The following C12orf54 variants were observed in gnomAD, a reference collection of about 807,000 sequenced individuals.
The protein encoded by C12orf54 is uncharacterized protein C12orf54.
In C12orf54, 24 loss-of-function variants were observed where a neutral mutation model predicts 26.4. The observed-to-expected ratio is 0.91, with a 90% CI of 0.66 to 1.28. The LOEUF (loss-of-function observed/expected upper bound fraction) is 1.28. Among genes scored for constraint, C12orf54 ranks in the 50% most tolerant of loss-of-function variants. The pLI is 0.00. For synonymous variants in C12orf54, 54 were observed against 47.0 expected, an observed-to-expected ratio of 1.15 and a Z score of -0.61; for missense variants, 154 against 150.9, an observed-to-expected ratio of 1.02 and a Z score of -0.11.
chr12:48,421,651 T>A, the C12orf54 span, among the ~76,000 whole-genome samples: 80 of 147,328 alleles, frequency 5.4e-4, 1 homozygote, highest in South Asian at 0.017. Context: ...TGCCTCAGAC[T>A]CCCAAGTAGC....
chr12:48,467,756 G>A, the C12orf54 span, among the ~76,000 whole-genome samples: 11 of 152,110 alleles, frequency 7.2e-5, no homozygotes, highest in East Asian at 3.9e-4. Flanking sequence ...GGGTGTATAC[G>A]CATGCCCAAA....
At chr12:48,455,370 C>T in the C12orf54 span, among the ~76,000 whole-genome samples, 1 of 152,118 alleles carries the variant, frequency 6.6e-6, no homozygotes, top group African/African-American at 2.4e-5. Flanking sequence ...AGGTTGATTC[C>T]ATGTCTTTGC....
upstream of C12orf54, among the ~76,000 whole-genome samples, chr12:48,478,177 G>A (rs1453826082): frequency 1.3e-5 from 2 of 152,130 alleles, no homozygotes; most frequent in African/African-American, 2.4e-5. Context: ...TGCAGAAAAG[G>A]CCTTTGACAA....
intron 6 of C12orf54, among the ~76,000 whole-genome samples, chr12:48,492,193 G>T (rs1399359988): frequency 6.6e-6 from 1 of 152,148 alleles, no homozygotes; most frequent in Non-Finnish European, 1.5e-5. Context: ...GCAAAACGGA[G>T]TTCGTTAAGG....
At chr12:48,473,285 G>C in the C12orf54 span, 1 of 1,090,956 alleles carries the variant, frequency 9.2e-7, no homozygotes. Flanking sequence ...GTGGAGACGA[G>C]GAGGAGAAGG....
the C12orf54 span, among the ~76,000 whole-genome samples, chr12:48,466,674 T>G: frequency 1.3e-5 from 2 of 152,144 alleles, no homozygotes; most frequent in African/African-American, 4.8e-5. Flanking sequence ...AGAAATAATG[T>G]CCATACCAAA....
the C12orf54 span, among the ~76,000 whole-genome samples, chr12:48,460,475 T>C: frequency 1.5e-5 from 2 of 132,150 alleles, no homozygotes; most frequent in African/African-American, 5.7e-5. Flanking sequence ...TGACACCAGA[T>C]GGAAATCTGG....
At chr12:48,415,846 G>A in the C12orf54 span, among the ~76,000 whole-genome samples, 1 of 151,688 alleles carries the variant, frequency 6.6e-6, no homozygotes, top group Admixed American at 6.6e-5. Context: ...ATACAGATTT[G>A]GGCATTTTAG....
At chr12:48,420,873 T>TATGC in the C12orf54 span, among the ~76,000 whole-genome samples, 1 of 152,174 alleles carries the variant, frequency 6.6e-6, no homozygotes, top group Non-Finnish European at 1.5e-5. Flanking sequence ...TGGTGCCACA[T>TATGC]TTGCTTGTAT....
the C12orf54 span, among the ~76,000 whole-genome samples, chr12:48,437,698 A>C: frequency 2.0e-5 from 3 of 152,378 alleles, no homozygotes; most frequent in Admixed American, 2.0e-4. Flanking sequence ...GACAAAATTC[A>C]ACAATGCTTC....
chr12:48,466,334 T>G, the C12orf54 span, among the ~76,000 whole-genome samples: 82,586 of 151,942 alleles, frequency 0.54, 24,306 homozygotes, highest in East Asian at 0.81. Context: ...ACCTGAGGTC[T>G]GGAGTTCGGG....
the C12orf54 span, among the ~76,000 whole-genome samples, chr12:48,430,352 G>C: frequency 6.6e-6 from 1 of 152,090 alleles, no homozygotes; most frequent in South Asian, 2.1e-4. Context: ...GGAACAGTGA[G>C]CAGAGTAAAC....
At chr12:48,423,252 T>C in the C12orf54 span, among the ~76,000 whole-genome samples, 2 of 152,066 alleles carry the variant, frequency 1.3e-5, no homozygotes, top group Admixed American at 6.5e-5. Flanking sequence ...AATGCTATAA[T>C]AAAAAGTGTA....
chr12:48,485,658 T>C (rs1448015619), intron 2 of C12orf54, among the ~76,000 whole-genome samples: 1 of 152,192 alleles, frequency 6.6e-6, no homozygotes, highest in Non-Finnish European at 1.5e-5. Context: ...AGATGGTATT[T>C]AGGAATAAGA....
chr12:48,434,329 T>A, the C12orf54 span, among the ~76,000 whole-genome samples: 1 of 152,190 alleles, frequency 6.6e-6, no homozygotes. Context: ...AGGCTCCACC[T>A]CTGGGGGCAG....
At position 48,488,909 on chromosome 12, in the gene C12orf54, T is replaced by C; in HGVS notation, c.136-15T>C. ...TCTACAATATTATTTTTTCTATATTTTTGTCTTCTGTCAGGTGCTGACAGT... is the reference window on the plus strand; with the variant it reads ...TCTACAATATTATTTTTTCTATATTCTTGTCTTCTGTCAGGTGCTGACAGT... On this transcript the variant is annotated splice_polypyrimidine_tract_variant and intron_variant, in intron 4 of 8. Transcript: ENST00000548364. 3.2e-6 allele frequency: 5 copies of C among 1,585,244 alleles called. No individual in the cohort carries two copies. The South Asian group carries it at 3.3e-5, about 11-fold the overall frequency.
the C12orf54 span, among the ~76,000 whole-genome samples, chr12:48,460,610 A>G: frequency 2.0e-5 from 3 of 152,152 alleles, no homozygotes; most frequent in South Asian, 6.2e-4. Flanking sequence ...GAAAATAGTA[A>G]TATATTTTGG....
At chr12:48,439,856 C>T in the C12orf54 span, among the ~76,000 whole-genome samples, 1 of 151,738 alleles carries the variant, frequency 6.6e-6, no homozygotes, top group Admixed American at 6.6e-5. Flanking sequence ...ACGTAATGAA[C>T]CTGCACGATG....
the C12orf54 span, among the ~76,000 whole-genome samples, chr12:48,462,582 C>T: frequency 1.3e-5 from 2 of 151,456 alleles, no homozygotes; most frequent in Non-Finnish European, 3.0e-5. Context: ...ATTGGTTTAA[C>T]ATTCAAAAAT....
Sources: gnomAD v4.1 joint callset for allele counts (sites outside exome capture counted in the v4.1 genomes callset) on GRCh38, gnomAD v4.1.1 for gene constraint, MANE v1.5 for transcripts, NCBI Gene and HGNC (gene_info 2026-07-23, HGNC 2026-07-21) for gene names.